RIMS2: variants seen among roughly 807,000 people sequenced by gnomAD.
RIMS2 encodes regulating synaptic membrane exocytosis 2, also known as regulating synaptic membrane exocytosis protein 2.
RIMS2 carries 59 observed loss-of-function variants against 174.4 expected under a neutral mutation model. That is an observed-to-expected ratio of 0.34 (90% CI 0.27 to 0.42). The LOEUF is 0.42. Among genes scored for constraint, RIMS2 ranks in the 10% least tolerant of loss-of-function variants. The pLI is 1.00. For synonymous variants in RIMS2, 606 were observed against 572.5 expected (o/e 1.06, Z -0.84); for missense variants, 1,620 against 1,666.3 (o/e 0.97, Z 0.48).
At position 103,768,550 on chromosome 8, in the gene RIMS2, A is replaced by G. The variant is rs570135697; in HGVS notation, c.698+2013A>G. 62 of 1,496,576 alleles carry G rather than the reference A, an allele frequency of 4.1e-5. No homozygotes were observed. In the East Asian group the frequency reaches 1.2e-3, roughly 30 times the overall value. The allele number at this position is 1,496,576 out of a possible 1,614,324, so 92.7% of individuals were successfully genotyped here. A position where few individuals can be genotyped will look rare whatever the true frequency, so the allele number is the denominator to read the frequency against. ...CCTGTTACAGACCAAGGAGAACTGG[A>G]GAAAGAAAGAGAAAATCAGTTCGTG... On this transcript the variant is annotated intron_variant, in intron 3 of 23. Transcript: ENST00000504942.
intron 19 of RIMS2, among the ~76,000 whole-genome samples, chr8:104,135,936 C>T (rs2098515995): frequency 6.6e-6 from 1 of 152,144 alleles, no homozygotes; most frequent in South Asian, 2.1e-4. Context: ...CTTGTGGATA[C>T]TGTTGGGGTA....
chr8:103,948,617 A>G (rs2084426607), intron 14 of RIMS2, among the ~76,000 whole-genome samples: 1 of 152,194 alleles, frequency 6.6e-6, no homozygotes, highest in Non-Finnish European at 1.5e-5. Context: ...TATAACATAT[A>G]TAGAAGTGAC....
At chr8:103,932,142 C>T (rs1238121451) in intron 12 of RIMS2, among the ~76,000 whole-genome samples, 5 of 152,196 alleles carry the variant, frequency 3.3e-5, no homozygotes, top group Non-Finnish European at 7.3e-5. Flanking sequence ...CCCCAATTAT[C>T]TGTCTGCATC....
At chr8:103,514,301 T>G (rs1007967231) in intron 1 of RIMS2, among the ~76,000 whole-genome samples, 3 of 152,240 alleles carry the variant, frequency 2.0e-5, no homozygotes, top group Non-Finnish European at 4.4e-5. Context: ...TAGACTTTTC[T>G]TCTCCCTTCC....
Position 103,908,297 on chromosome 8 carries a change from T to A in RIMS2, c.1625-1837T>A, listed in dbSNP as rs182077335. ...ACCTCGTGATCCGTCTGCATCAGCCTCCCAAAGTGTTGCGATTACAGGCGT... is the reference window on the plus strand; with the variant it reads ...ACCTCGTGATCCGTCTGCATCAGCCACCCAAAGTGTTGCGATTACAGGCGT... On this transcript the variant is annotated intron_variant, in intron 4 of 23. Transcript: ENST00000504942. Among the ~76,000 whole-genome samples, 668 of 152,296 alleles carry A rather than the reference T, an allele frequency of 4.4e-3. 23 individuals carry two copies. Among genetic ancestry groups the A allele is most frequent in the Admixed American group, 0.035 (531 of 15,302 alleles).
rs1481352570 is a variant in RIMS2 at position 103,517,186 on chromosome 8, AGG to A, written c.176+16125_176+16126del. On this transcript the variant is annotated intron_variant, in intron 1 of 23. Transcript: ENST00000504942. Reference sequence around the variant, plus strand: ...TAGTTATATACCAAGTGTTGAACAGAGGAAGGGGCTAGTATACGAACATGGAG... The same window carrying A: ...TAGTTATATACCAAGTGTTGAACAGAAAGGGGCTAGTATACGAACATGGAG... Among the ~76,000 whole-genome samples the A allele has an allele frequency of 7.2e-5, 11 of 152,206 alleles. 1 individual carries two copies.
At chr8:103,990,711 A>G (rs1205885652) in intron 17 of RIMS2, among the ~76,000 whole-genome samples, 1 of 152,052 alleles carries the variant, frequency 6.6e-6, no homozygotes, top group African/African-American at 2.4e-5. Flanking sequence ...GAAATTATTT[A>G]TATACCAAGT....
intron 3 of RIMS2, among the ~76,000 whole-genome samples, chr8:103,835,450 T>G (rs568421618): frequency 4.0e-4 from 60 of 151,678 alleles, no homozygotes; most frequent in African/African-American, 1.4e-3. Flanking sequence ...TGATTGAATT[T>G]GGTTAAAATC....
chr8:103,533,462 T>G (rs1838207803), intron 1 of RIMS2, among the ~76,000 whole-genome samples: 1 of 151,924 alleles, frequency 6.6e-6, no homozygotes, highest in African/African-American at 2.4e-5. Flanking sequence ...GAACAATTAG[T>G]GGCAAGAACA....
intron 19 of RIMS2, among the ~76,000 whole-genome samples, chr8:104,200,032 G>A (rs2099046429): frequency 6.6e-6 from 1 of 152,172 alleles, no homozygotes; most frequent in South Asian, 2.1e-4. Context: ...AAGGTCCAGA[G>A]GCTAAGAGCA....
At chr8:103,949,105 C>T in intron 14 of RIMS2, among the ~76,000 whole-genome samples, 1 of 104,764 alleles carries the variant, frequency 9.5e-6, no homozygotes, top group Non-Finnish European at 1.7e-5. Context: ...CCAGCCTGGG[C>T]AACAGAGTGA....
intron 9 of RIMS2, 101 bp downstream of exon 12, chr8:103,918,588 A>G: frequency 1.2e-6 from 1 of 853,980 alleles, no homozygotes; most frequent in Non-Finnish European, 2.0e-6. Context: ...AAATATGATA[A>G]CCTTGTTATC....
intron 3 of RIMS2, among the ~76,000 whole-genome samples, chr8:103,775,547 T>C (rs2098305262): frequency 6.6e-6 from 1 of 152,120 alleles, no homozygotes; most frequent in South Asian, 2.1e-4. Context: ...TTATGCACAT[T>C]CAATAAATGC....
intron 1 of RIMS2, among the ~76,000 whole-genome samples, chr8:103,589,930 T>C (rs1318594396): frequency 6.6e-6 from 1 of 150,978 alleles, no homozygotes; most frequent in Non-Finnish European, 1.5e-5. Context: ...TTACCAGATG[T>C]TGGAAATGGT....
chr8:104,002,164 G>A (rs1403016341), intron 17 of RIMS2, among the ~76,000 whole-genome samples: 1 of 151,886 alleles, frequency 6.6e-6, no homozygotes. Flanking sequence ...CTATGCCCTT[G>A]GACTCCATGA....
At chr8:103,691,807 G>A (rs538352939) in intron 1 of RIMS2, among the ~76,000 whole-genome samples, 1 of 152,174 alleles carries the variant, frequency 6.6e-6, no homozygotes, top group South Asian at 2.1e-4. Context: ...CACAGTCTGG[G>A]GTTGTTTGTA....
chr8:104,252,324 C>G (rs571723807), downstream of RIMS2: 1 of 161,478 alleles, frequency 6.2e-6, no homozygotes, highest in African/African-American at 2.4e-5. Context: ...CTCCTCTGGG[C>G]GGGAATCAGA....
At chr8:103,755,163 A>G (rs1591714811) in intron 2 of RIMS2, among the ~76,000 whole-genome samples, 1 of 152,276 alleles carries the variant, frequency 6.6e-6, no homozygotes, top group East Asian at 1.9e-4. Flanking sequence ...GTGTGTAAAG[A>G]ATTTTATTTC....
chr8:103,870,927 G>A (rs1324429851), intron 3 of RIMS2, among the ~76,000 whole-genome samples: 1 of 152,124 alleles, frequency 6.6e-6, no homozygotes, highest in Non-Finnish European at 1.5e-5. Context: ...CAGGATAAAA[G>A]TTCAGAATGC....
Sources: gnomAD v4.1 joint callset for allele counts (sites outside exome capture counted in the v4.1 genomes callset) on GRCh38, gnomAD v4.1.1 for gene constraint, MANE v1.5 for transcripts, NCBI Gene and HGNC (gene_info 2026-07-23, HGNC 2026-07-21) for gene names.